STRA6: variants seen among roughly 807,000 people sequenced by gnomAD.
The protein encoded by STRA6 is signaling receptor and transporter of retinol STRA6.
Under a neutral mutation model 83.6 loss-of-function variants are expected in STRA6, and 48 were observed. That is an observed-to-expected ratio of 0.57 (90% confidence interval 0.46 to 0.73). STRA6 has a LOEUF of 0.73. Among genes scored for constraint, STRA6 ranks in the 30% least tolerant of loss-of-function variants. STRA6 has a pLI of 0.00. For missense variants in STRA6, 760 were observed against 838.8 expected, an observed-to-expected ratio of 0.91 and a Z score of 1.16; for synonymous variants, 353 against 362.3, an observed-to-expected ratio of 0.97 and a Z score of 0.29.
upstream of STRA6, among the ~76,000 whole-genome samples, chr15:74,203,781 G>A (rs2074184353): frequency 6.6e-6 from 1 of 152,190 alleles, no homozygotes; most frequent in Admixed American, 6.5e-5. Context: ...TCTGTACCAT[G>A]GGAAACCAAA....
At chr15:74,209,742 G>A, upstream of STRA6, 1 of 382,104 alleles carries the variant, frequency 2.6e-6, no homozygotes, top group Middle Eastern at 7.1e-4. Context: ...TCCTAGAGGG[G>A]GTATCCTGCA....
chr15:74,207,973 A>G, intron 1 of STRA6: 2 of 1,427,380 alleles, frequency 1.4e-6, no homozygotes, highest in Non-Finnish European at 1.8e-6. Flanking sequence ...CTCCCCTGCC[A>G]TGTGGGAGGG....
chr15:74,184,106 A>G, intron 13 of STRA6, 117 bp from the exon 14 acceptor site: 1 of 1,468,972 alleles, frequency 6.8e-7, no homozygotes, highest in Non-Finnish European at 9.3e-7. Context: ...AGCCATCAGC[A>G]GGGAAGCCCA....
At chr15:74,210,110 T>C (rs1042475926), upstream of STRA6, among the ~76,000 whole-genome samples, 1 of 152,182 alleles carries the variant, frequency 6.6e-6, no homozygotes, top group African/African-American at 2.4e-5. Flanking sequence ...TTGGATCTGA[T>C]CACCATCTTG....
At chr15:74,194,997 T>G in intron 7 of STRA6, 1 of 1,433,830 alleles carries the variant, frequency 7.0e-7, no homozygotes, top group East Asian at 2.5e-5. Context: ...GGGGGATCAC[T>G]AACACAGGCA....
intron 12 of STRA6, among the ~76,000 whole-genome samples, chr15:74,185,482 T>G (rs2073200367): frequency 6.6e-6 from 1 of 152,244 alleles, no homozygotes; most frequent in African/African-American, 2.4e-5. Context: ...CAGGATAATG[T>G]GAGCCATAAG....
In STRA6 at chr15:74,183,890, G is replaced by A. The variant is rs1392158996; in HGVS notation, c.1266C>T (p.Ser422=). ...TAAAGGCTGTCTGGTAGGCACTGAAGCTCATCCAACAGAATATGGCTTGGC... is the reference window on the plus strand; with the variant it reads ...TAAAGGCTGTCTGGTAGGCACTGAAACTCATCCAACAGAATATGGCTTGGC... ...PSRQAIFCWM[S]FSAYQTAFIC... Residue 422 remains serine, a synonymous_variant, in exon 14 of 19, where the codon AGC becomes AGT. Coordinates refer to ENST00000395105, the MANE Select transcript of STRA6 (RefSeq NM_022369.4). 1 of 1,614,014 alleles carries A rather than the reference G, an allele frequency of 6.2e-7. No homozygotes were observed. Among genetic ancestry groups the A allele is most frequent in the Non-Finnish European group, 8.5e-7 (1 of 1,180,054 alleles).
chr15:74,203,258 A>G, upstream of STRA6: 1 of 968,112 alleles, frequency 1.0e-6, no homozygotes, highest in Non-Finnish European at 1.2e-6. Context: ...TCACCCCCAC[A>G]AGGCGGAAAT....
At chr15:74,197,593 C>T (rs2073877725) in intron 3 of STRA6, 159 bp downstream of exon 3, 5 of 1,160,150 alleles carry the variant, frequency 4.3e-6, no homozygotes, top group East Asian at 5.1e-5. Flanking sequence ...GTTGGACTTG[C>T]ATCCTGGTTT....
chr15:74,199,153 C>T (rs1048639774), intron 2 of STRA6, among the ~76,000 whole-genome samples: 1 of 152,194 alleles, frequency 6.6e-6, no homozygotes, highest in African/African-American at 2.4e-5. Context: ...GGCTTAGCCG[C>T]CCACCAAAAC....
chr15:74,197,711 G>A (rs1347514578), intron 3 of STRA6, 41 bp downstream of exon 3: 9 of 1,609,752 alleles, frequency 5.6e-6, no homozygotes, highest in South Asian at 1.1e-5. Flanking sequence ...GCCCAGGCTG[G>A]CAGCAGCTTG....
chr15:74,186,554 G>A (rs1049037392), intron 12 of STRA6, among the ~76,000 whole-genome samples: 3 of 152,174 alleles, frequency 2.0e-5, no homozygotes, highest in Non-Finnish European at 4.4e-5. Flanking sequence ...GTTGCAGTGA[G>A]CCGAGATTGT....
At chr15:74,186,720 G>A (rs966174558) in intron 12 of STRA6, among the ~76,000 whole-genome samples, 2 of 152,118 alleles carry the variant, frequency 1.3e-5, no homozygotes, top group Admixed American at 6.5e-5. Context: ...GCAGTGAGCC[G>A]AGATTGCACC....
chr15:74,204,221 A>T (rs1013640638), upstream of STRA6, among the ~76,000 whole-genome samples: 1 of 152,188 alleles, frequency 6.6e-6, no homozygotes, highest in African/African-American at 2.4e-5. Flanking sequence ...GATGCGGGAA[A>T]CTTGCCTTCC....
At chr15:74,202,371 CCAAA>C (rs1193377683) in intron 1 of STRA6, 89 bp from the exon 2 acceptor site, 1 of 1,549,194 alleles carries the variant, frequency 6.5e-7, no homozygotes. Context: ...GACGGAAAAC[CCAAA>C]CAAAGAAACA....
intron 1 of STRA6, chr15:74,202,506 C>G: frequency 6.5e-7 from 1 of 1,527,044 alleles, no homozygotes; most frequent in Non-Finnish European, 8.7e-7. Flanking sequence ...GTCCCCTCCT[C>G]CCTTCCCGCC....
At chr15:74,192,935 GGGAGCTCCT>G (rs1369596706) in intron 8 of STRA6, among the ~76,000 whole-genome samples, 1 of 152,158 alleles carries the variant, frequency 6.6e-6, no homozygotes, top group Non-Finnish European at 1.5e-5. Flanking sequence ...CCACCACACT[GGGAGCTCCT>G]GGAGATCAGA....
rs773673352 is a variant in STRA6, at chr15:74,191,217, A to G, written c.815T>C (p.Leu272Pro). ...TCTCAAGCAGACGCGGGCCCAGGAC[A>G]GGAAGCCATGCTTGGAGGTGTGGTA... ...SSYHTSKHGF[L>P]SWARVCLRHC... is the part of the protein sequence containing the mutation. The change falls in exon 10 of 19, where the codon CTG (leucine) becomes CCG (proline). Residue 272 changes from leucine (L) to proline (P), a missense_variant. Leu to Pro is a moderately conservative substitution (Grantham distance 98). Transcript: ENST00000395105. 6.2e-7 allele frequency: 1 copy of G among 1,614,036 alleles called. No individual in the cohort carries two copies. Among genetic ancestry groups the G allele is most frequent in the Non-Finnish European group, 8.5e-7 (1 of 1,179,988 alleles).
upstream of STRA6, among the ~76,000 whole-genome samples, chr15:74,206,322 G>A (rs989419668): frequency 2.0e-5 from 3 of 152,200 alleles, no homozygotes; most frequent in African/African-American, 7.2e-5. Context: ...TGCAAGGTGA[G>A]CCCACTTCTT....
Sources: gnomAD v4.1 joint callset for allele counts (sites outside exome capture counted in the v4.1 genomes callset) on GRCh38, gnomAD v4.1.1 for gene constraint, MANE v1.5 for transcripts, NCBI Gene and HGNC (gene_info 2026-07-23, HGNC 2026-07-21) for gene names.